RCAN2: variants seen among roughly 807,000 people sequenced by gnomAD.
The protein encoded by RCAN2 is regulator of calcineurin 2, also known as calcipressin-2.
In RCAN2, 9 loss-of-function variants were observed where a neutral mutation model predicts 23.6. The ratio of observed to expected loss-of-function variants is 0.38; its 90% confidence interval spans 0.23 to 0.67. The LOEUF (loss-of-function observed/expected upper bound fraction) is 0.67, where lower values mean the gene tolerates loss of function less well. RCAN2 is among the 30% of genes least tolerant of loss of function. The pLI is 0.51. For synonymous variants in RCAN2, 109 were observed against 115.7 expected (o/e 0.94, Z 0.37); for missense variants, 273 against 302.3 (o/e 0.90, Z 0.72).
intron 2 of RCAN2, among the ~76,000 whole-genome samples, chr6:46,266,311 C>T (rs943237605): frequency 6.6e-6 from 1 of 152,192 alleles, no homozygotes; most frequent in Non-Finnish European, 1.5e-5. Context: ...AATGCATTAA[C>T]GCTTGTAGAC....
intron 2 of RCAN2, among the ~76,000 whole-genome samples, chr6:46,388,717 A>G (rs1015396361): frequency 6.6e-6 from 1 of 152,170 alleles, no homozygotes; most frequent in African/African-American, 2.4e-5. Context: ...CAAACACTGC[A>G]TGTTTTCCCT....
intron 2 of RCAN2, among the ~76,000 whole-genome samples, chr6:46,397,668 T>TA: frequency 6.6e-6 from 1 of 152,230 alleles, no homozygotes; most frequent in East Asian, 1.9e-4. Context: ...CCTTTACATG[T>TA]AAAAAAATAA....
At position 46,456,861 on chromosome 6, in the gene RCAN2, C is replaced by T. The variant is rs1475456140; in HGVS notation, c.116G>A (p.Arg39His). Residue 39 changes from arginine to histidine, a missense_variant, in exon 2 of 5, where the codon CGT becomes CAT. Transcript: ENST00000371374. Reference protein sequence around the residue: ...CCIDRDWAVTRCFAEEAFQAI... With the variant: ...CCIDRDWAVTHCFAEEAFQAI... ...TTGAAAGGCTTCTTCTGCAAAACAA[C>T]GAGTGACAGCCCAGTCCCTGTCTAT... 15 of 1,550,688 alleles carry T rather than the reference C, an allele frequency of 9.7e-6. No individual in the cohort carries two copies. The highest frequency in any genetic ancestry group is 1.7e-4 in the Middle Eastern group (1 of 5,994).
intron 2 of RCAN2, among the ~76,000 whole-genome samples, chr6:46,344,744 T>C (rs1165841823): frequency 6.6e-6 from 1 of 151,476 alleles, no homozygotes; most frequent in Non-Finnish European, 1.5e-5. Flanking sequence ...AGGGATCAAA[T>C]GGAATACTAA....
chr6:46,308,436 G>A (rs1311335601), intron 2 of RCAN2, among the ~76,000 whole-genome samples: 1 of 152,160 alleles, frequency 6.6e-6, no homozygotes, highest in Non-Finnish European at 1.5e-5. Flanking sequence ...GAAACATTTG[G>A]ATTAAGGGAG....
At chr6:46,324,799 A>G (rs1443712037) in intron 2 of RCAN2, among the ~76,000 whole-genome samples, 1 of 152,222 alleles carries the variant, frequency 6.6e-6, no homozygotes, top group African/African-American at 2.4e-5. Context: ...TTATGCCTAA[A>G]CTTTATGAAC....
intron 4 of RCAN2, among the ~76,000 whole-genome samples, chr6:46,229,203 T>C (rs1256152195): frequency 6.6e-6 from 1 of 152,190 alleles, no homozygotes; most frequent in African/African-American, 2.4e-5. Flanking sequence ...GCCCTTAACA[T>C]TTTTTCCTTC....
chr6:46,348,715 G>A (rs1050752578), intron 2 of RCAN2, among the ~76,000 whole-genome samples: 12 of 152,124 alleles, frequency 7.9e-5, no homozygotes, highest in African/African-American at 2.9e-4. Flanking sequence ...ATGGTACCTC[G>A]GCATGTTATA....
chr6:46,250,964 C>T (rs950137474), intron 2 of RCAN2, among the ~76,000 whole-genome samples: 1 of 152,144 alleles, frequency 6.6e-6, no homozygotes, highest in Non-Finnish European at 1.5e-5. Flanking sequence ...GCAGTTCCCC[C>T]TCCTATCTTT....
intron 4 of RCAN2, among the ~76,000 whole-genome samples, chr6:46,245,267 C>T (rs935906772): frequency 6.6e-6 from 1 of 152,162 alleles, no homozygotes; most frequent in African/African-American, 2.4e-5. Context: ...TACAAGGAAA[C>T]CTCCAGTGAG....
Position 46,283,075 on chromosome 6 carries a change from A to G in RCAN2, c.226-34179T>C, listed in dbSNP as rs73735745. On this transcript the variant is annotated intron_variant, in intron 2 of 4. Coordinates refer to ENST00000371374, the MANE Select transcript of RCAN2 (RefSeq NM_001251974.2). ...AGCCTTTACTGACTGAATGATGGAG[A>G]AATCCAGGGAATCTCAGGAAAGGGG... Among the ~76,000 whole-genome samples the G allele has an allele frequency of 6.4e-3, 982 of 152,264 alleles. 11 individuals carry two copies. Among genetic ancestry groups the G allele is most frequent in the African/African-American group, 0.022 (923 of 41,540 alleles).
rs139142862 is a variant in RCAN2, at chr6:46,461,710, C to T, written c.-2-4732G>A. 1.4e-3 allele frequency among the ~76,000 whole-genome samples: 209 copies of T among 152,190 alleles called. 1 individual carries two copies. Among genetic ancestry groups the T allele is most frequent in the Non-Finnish European group, 9.9e-4 (67 of 68,008 alleles). ...AAGAGATTCTCCAGCCTCAGCTTCCCGAGTAGCTGGGATTACAGGCATGTG... is the reference window on the plus strand; with the variant it reads ...AAGAGATTCTCCAGCCTCAGCTTCCTGAGTAGCTGGGATTACAGGCATGTG... On this transcript the variant is annotated intron_variant, in intron 1 of 4. Transcript: ENST00000371374.
At chr6:46,331,778 A>G (rs1324683541) in intron 2 of RCAN2, among the ~76,000 whole-genome samples, 1 of 152,236 alleles carries the variant, frequency 6.6e-6, no homozygotes, top group African/African-American at 2.4e-5. Flanking sequence ...TATTTTAAAG[A>G]TAACATATGC....
chr6:46,309,142 G>A (rs1763173767), intron 2 of RCAN2, among the ~76,000 whole-genome samples: 1 of 152,096 alleles, frequency 6.6e-6, no homozygotes, highest in Non-Finnish European at 1.5e-5. Flanking sequence ...AGGTAATGAT[G>A]ATATAGTCCA....
Position 46,456,755 on chromosome 6 carries a change from G to C in RCAN2, c.222C>G (p.Ser74Arg), listed in dbSNP as rs944954775. The change falls in exon 2 of 5, where the codon AGC (serine) becomes AGG (arginine). Residue 74 changes from serine (S) to arginine (R), a missense_variant. By Grantham distance (110) the Ser-to-Arg change is moderately radical. Coordinates refer to ENST00000371374, the MANE Select transcript of RCAN2 (RefSeq NM_001251974.2). ...GGAACAGAAAAAGGCAGCTTACCTT[G>C]CTCTCTTCTCCTTCAAACACTGACT... ...VHQSVFEGEE[S>R]KEKFEGLFRT... 7.1e-6 allele frequency: 11 copies of C among 1,548,100 alleles called. No homozygotes were observed. In the South Asian group the frequency reaches 1.1e-4, roughly 15 times the overall value.
At chr6:46,227,780 C>G (rs1458753670) in intron 4 of RCAN2, among the ~76,000 whole-genome samples, 1 of 152,166 alleles carries the variant, frequency 6.6e-6, no homozygotes, top group Non-Finnish European at 1.5e-5. Context: ...GTGTCCCTAT[C>G]TCCTTCAGTT....
intron 2 of RCAN2, among the ~76,000 whole-genome samples, chr6:46,401,375 T>G (rs1766243877): frequency 6.6e-6 from 1 of 152,170 alleles, no homozygotes; most frequent in Non-Finnish European, 1.5e-5. Flanking sequence ...AGGGTCCCCC[T>G]ACAGTTTGAA....
At chr6:46,263,055 G>A (rs912448906) in intron 2 of RCAN2, among the ~76,000 whole-genome samples, 1 of 152,174 alleles carries the variant, frequency 6.6e-6, no homozygotes, top group Non-Finnish European at 1.5e-5. Context: ...CAGTAATGGT[G>A]TCATTTTTGT....
At chr6:46,477,301 G>C (rs1768742202) in intron 1 of RCAN2, among the ~76,000 whole-genome samples, 2 of 152,240 alleles carry the variant, frequency 1.3e-5, no homozygotes, top group East Asian at 3.9e-4. Flanking sequence ...TCCATTTTTA[G>C]GATAAAATTA....
Sources: gnomAD v4.1 joint callset for allele counts (sites outside exome capture counted in the v4.1 genomes callset) on GRCh38, gnomAD v4.1.1 for gene constraint, MANE v1.5 for transcripts, NCBI Gene and HGNC (gene_info 2026-07-23, HGNC 2026-07-21) for gene names.